ITFG1: variants seen among roughly 807,000 people sequenced by gnomAD.
ITFG1 encodes T-cell immunomodulatory protein.
Under a neutral mutation model 81.8 loss-of-function variants are expected in ITFG1, and 34 were observed. That is an observed-to-expected ratio of 0.42 (90% CI 0.32 to 0.55). The LOEUF (loss-of-function observed/expected upper bound fraction) is 0.55. Ranked by LOEUF, ITFG1 falls within the 20% of genes least tolerant of loss-of-function variation. The probability of loss-of-function intolerance (pLI) is 0.17; values close to 1 mark genes in which losing one functional copy is unlikely to be tolerated. For missense variants in ITFG1, 672 were observed against 755.4 expected, an observed-to-expected ratio of 0.89 and a Z score of 1.29; for synonymous variants, 285 against 270.6, an observed-to-expected ratio of 1.05 and a Z score of -0.52.
At chr16:47,371,069 C>T (rs563030560) in intron 7 of ITFG1, among the ~76,000 whole-genome samples, 5 of 152,272 alleles carry the variant, frequency 3.3e-5, no homozygotes, top group South Asian at 2.1e-4. Flanking sequence ...CAAAATTCAA[C>T]GAACTCACTA....
chr16:47,344,176 T>A (rs958415810), intron 8 of ITFG1, among the ~76,000 whole-genome samples: 1 of 152,204 alleles, frequency 6.6e-6, no homozygotes, highest in Non-Finnish European at 1.5e-5. Context: ...GAAAAAGTTC[T>A]GAAAATACAT....
At chr16:47,175,947 G>T (rs2151511491) in intron 14 of ITFG1, among the ~76,000 whole-genome samples, 1 of 152,262 alleles carries the variant, frequency 6.6e-6, no homozygotes, top group East Asian at 1.9e-4. Context: ...TGCTTCATTG[G>T]TGTGTCTAAG....
chr16:47,423,408 A>C (rs1255955813), intron 6 of ITFG1, among the ~76,000 whole-genome samples: 1 of 152,110 alleles, frequency 6.6e-6, no homozygotes, highest in African/African-American at 2.4e-5. Flanking sequence ...TGTGTCTTTA[A>C]ACTGGGGCAT....
At chr16:47,411,129 A>T (rs1323282392) in intron 6 of ITFG1, among the ~76,000 whole-genome samples, 1 of 152,216 alleles carries the variant, frequency 6.6e-6, no homozygotes. Context: ...CACACAGCTC[A>T]GGAGTGCCAA....
chr16:47,424,181 T>C (rs1034267472), intron 6 of ITFG1, among the ~76,000 whole-genome samples: 1 of 152,254 alleles, frequency 6.6e-6, no homozygotes, highest in Non-Finnish European at 1.5e-5. Flanking sequence ...ATTAATTTGA[T>C]CTTCAATCAC....
At chr16:47,285,317 G>T (rs1448398389) in intron 10 of ITFG1, among the ~76,000 whole-genome samples, 1 of 152,186 alleles carries the variant, frequency 6.6e-6, no homozygotes, top group Non-Finnish European at 1.5e-5. Context: ...GGAGGGGGTT[G>T]TGCCCAGGGA....
intron 13 of ITFG1, among the ~76,000 whole-genome samples, chr16:47,220,034 T>C (rs957085398): frequency 6.6e-6 from 1 of 152,236 alleles, no homozygotes; most frequent in Non-Finnish European, 1.5e-5. Flanking sequence ...TACATTCTTA[T>C]CTTGCAGATG....
intron 13 of ITFG1, among the ~76,000 whole-genome samples, chr16:47,232,883 C>T (rs999270063): frequency 6.6e-6 from 1 of 152,166 alleles, no homozygotes; most frequent in East Asian, 1.9e-4. Context: ...TCAAGAGATC[C>T]TCCTGCCTCG....
chr16:47,354,246 C>T (rs1596923652), intron 8 of ITFG1, among the ~76,000 whole-genome samples: 2 of 152,084 alleles, frequency 1.3e-5, no homozygotes. Context: ...GATATAAATC[C>T]ATGCATCTAC....
intron 14 of ITFG1, among the ~76,000 whole-genome samples, chr16:47,168,909 T>C (rs1964925543): frequency 6.6e-6 from 1 of 152,214 alleles, no homozygotes; most frequent in East Asian, 1.9e-4. Context: ...TTAATTATTT[T>C]ATATGGAGTC....
At chr16:47,229,264 C>G (rs896869102) in intron 13 of ITFG1, among the ~76,000 whole-genome samples, 4 of 152,042 alleles carry the variant, frequency 2.6e-5, no homozygotes, top group African/African-American at 9.7e-5. Context: ...GGAATGCTTT[C>G]TCGGAGGAAA....
chr16:47,339,939 G>A (rs1967758624), intron 8 of ITFG1, among the ~76,000 whole-genome samples: 1 of 151,628 alleles, frequency 6.6e-6, no homozygotes, highest in Non-Finnish European at 1.5e-5. Flanking sequence ...AAGCCAAAGA[G>A]AAAGAAAATT....
chr16:47,450,771 A>C lies in ITFG1; in HGVS notation c.560+625T>G, dbSNP rs574902216. On this transcript the variant is annotated intron_variant, in intron 5 of 17. Coordinates refer to ENST00000320640, the MANE Select transcript of ITFG1 (RefSeq NM_030790.5). ...GGGTTGAAGGTATCTTATGAAAAGT[A>C]TCTTGCTATCAGGAATTCTTGTGCT... is the stretch of plus-strand genomic sequence containing the variant. Among the ~76,000 whole-genome samples, 4 of 152,344 alleles carry C rather than the reference A, an allele frequency of 2.6e-5. No individual in the cohort carries two copies. The South Asian group carries it at 8.3e-4, about 32-fold the overall frequency.
In ITFG1 at chr16:47,301,022, C is replaced by T. The variant is rs570319537; in HGVS notation, c.1070+10218G>A. Among the ~76,000 whole-genome samples, 251 of 152,288 alleles carry T rather than the reference C, an allele frequency of 1.6e-3. 1 individual carries two copies. Among genetic ancestry groups the T allele is most frequent in the Non-Finnish European group, 2.3e-3 (159 of 68,014 alleles). ...GACTATATGATTTTATATTTCCTTT[C>T]AGCCCTAAAAGCCCAGGAGTATAAT... On this transcript the variant is annotated intron_variant, in intron 10 of 17. Coordinates refer to ENST00000320640, the MANE Select transcript of ITFG1 (RefSeq NM_030790.5).
At chr16:47,194,189 C>T (rs1418929510) in intron 14 of ITFG1, among the ~76,000 whole-genome samples, 1 of 152,194 alleles carries the variant, frequency 6.6e-6, no homozygotes, top group African/African-American at 2.4e-5. Flanking sequence ...CTTCAAATGA[C>T]GACTTCCTTG....
At chr16:47,405,370 TA>T (rs1968715451) in intron 6 of ITFG1, among the ~76,000 whole-genome samples, 1 of 152,208 alleles carries the variant, frequency 6.6e-6, no homozygotes, top group South Asian at 2.1e-4. Flanking sequence ...CTAGGGAGTT[TA>T]AAAATAGGTT....
At chr16:47,421,508 T>C (rs1968949073) in intron 6 of ITFG1, among the ~76,000 whole-genome samples, 1 of 152,080 alleles carries the variant, frequency 6.6e-6, no homozygotes, top group Non-Finnish European at 1.5e-5. Flanking sequence ...TTTCAGAATG[T>C]TGGCAAGGAT....
At chr16:47,425,759 A>G (rs1969013121) in intron 6 of ITFG1, 1 of 151,738 alleles carries the variant, frequency 6.6e-6, no homozygotes. Context: ...TGCCTGGCTA[A>G]TTTTTATTTT....
intron 13 of ITFG1, among the ~76,000 whole-genome samples, chr16:47,220,780 A>G (rs561942645): frequency 6.6e-6 from 1 of 152,328 alleles, no homozygotes; most frequent in African/African-American, 2.4e-5. Context: ...ATTTTAGTGT[A>G]ACAGAGTAGT....
Sources: allele counts gnomAD v4.1 joint callset (sites outside exome capture counted in the v4.1 genomes callset), GRCh38; gene constraint gnomAD v4.1.1; transcripts MANE v1.5; gene names NCBI Gene and HGNC (gene_info 2026-07-23, HGNC 2026-07-21).